PDGFRL: variants seen among roughly 807,000 people sequenced by gnomAD.
PDGFRL encodes the protein platelet derived growth factor receptor like.
In PDGFRL, 46 loss-of-function variants were observed where a neutral mutation model predicts 37.2. That is an observed-to-expected ratio of 1.24 (90% confidence interval 0.98 to 1.58). PDGFRL has a LOEUF of 1.58. Among genes scored for constraint, PDGFRL ranks in the 40% most tolerant of loss-of-function variants. The probability of loss-of-function intolerance (pLI) is 0.00; values close to 1 mark genes in which losing one functional copy is unlikely to be tolerated. For missense variants in PDGFRL, 692 were observed against 467.6 expected (o/e 1.48, Z -4.43); for synonymous variants, 251 against 184.3 (o/e 1.36, Z -2.93).
At chr8:17,631,389 C>T (rs1321174252) in intron 4 of PDGFRL, among the ~76,000 whole-genome samples, 2 of 152,084 alleles carry the variant, frequency 1.3e-5, no homozygotes, top group African/African-American at 4.8e-5. Flanking sequence ...GATCAGTAGC[C>T]CCGAGAGTGA....
rs971621996 is a variant in PDGFRL, at chr8:17,621,222, A to C, written c.505+20A>C. The stretch of plus-strand genomic sequence containing the variant: ...TTACAGGTAAAATACTTGGTGCATT[A>C]ATGGAACTCTTCAAACTTCTGGACC... On this transcript the variant is annotated intron_variant, in intron 3 of 5. Coordinates refer to ENST00000251630, the MANE Select transcript of PDGFRL (RefSeq NM_001372073.1). 9.5e-6 allele frequency: 15 copies of C among 1,571,726 alleles called. No homozygotes were observed. Among genetic ancestry groups the C allele is most frequent in the Non-Finnish European group, 1.3e-5 (15 of 1,147,338 alleles).
At chr8:17,586,808 C>T (rs767991969) in intron 1 of PDGFRL, among the ~76,000 whole-genome samples, 1 of 152,142 alleles carries the variant, frequency 6.6e-6, no homozygotes, top group African/African-American at 2.4e-5. Flanking sequence ...AAAACTGAAA[C>T]AGAAGAGGGC....
intron 5 of PDGFRL, among the ~76,000 whole-genome samples, chr8:17,636,834 C>A (rs967134299): frequency 1.3e-5 from 2 of 152,036 alleles, no homozygotes; most frequent in African/African-American, 4.8e-5. Context: ...CTTTCACCTC[C>A]TTGATTAGGT....
At chr8:17,615,692 A>T (rs1297605231) in intron 2 of PDGFRL, among the ~76,000 whole-genome samples, 1 of 152,054 alleles carries the variant, frequency 6.6e-6, no homozygotes, top group Non-Finnish European at 1.5e-5. Flanking sequence ...GTGGTGGGAG[A>T]TTGCTTGAGG....
Position 17,617,857 on chromosome 8 carries a change from C to T in PDGFRL, c.354-3194C>T, listed in dbSNP as rs539596834. Among the ~76,000 whole-genome samples the T allele has an allele frequency of 9.8e-4, 149 of 152,216 alleles. 3 individuals carry two copies. Among genetic ancestry groups the T allele is most frequent in the Admixed American group, 4.4e-3 (67 of 15,290 alleles). ...TATCACTACAGTGCTAGCAAATGCT[C>T]GGCCCAGAGAAGATGCGCAGTGAAT... On this transcript the variant is annotated intron_variant, in intron 2 of 5. Coordinates refer to ENST00000251630, the MANE Select transcript of PDGFRL (RefSeq NM_001372073.1).
At chr8:17,606,245 A>AT (rs1170352326) in intron 2 of PDGFRL, among the ~76,000 whole-genome samples, 1 of 152,088 alleles carries the variant, frequency 6.6e-6, no homozygotes. Flanking sequence ...CATATTAACC[A>AT]TTTTTAAGGA....
intron 2 of PDGFRL, among the ~76,000 whole-genome samples, chr8:17,609,995 C>T (rs187423926): frequency 3.9e-5 from 6 of 152,240 alleles, no homozygotes; most frequent in East Asian, 1.9e-4. Context: ...TGGATTTCCC[C>T]GCAGTGAATT....
At chr8:17,631,644 T>A (rs1804863149) in intron 4 of PDGFRL, among the ~76,000 whole-genome samples, 1 of 152,170 alleles carries the variant, frequency 6.6e-6, no homozygotes, top group South Asian at 2.1e-4. Flanking sequence ...CACTCCCATC[T>A]GGCCTTCTCC....
chr8:17,628,811 G>A (rs767892823), intron 4 of PDGFRL, 31 bp downstream of exon 4: 2 of 1,526,776 alleles, frequency 1.3e-6, no homozygotes, highest in Non-Finnish European at 1.8e-6. Flanking sequence ...CTAGATTCTA[G>A]TTAGTCCCCT....
chr8:17,629,841 T>C (rs541960952), intron 4 of PDGFRL, among the ~76,000 whole-genome samples: 55 of 152,222 alleles, frequency 3.6e-4, no homozygotes, highest in African/African-American at 1.3e-3. Context: ...CAGGATTCTG[T>C]GTTCAATGAC....
chr8:17,606,425 T>A (rs1804278291), intron 2 of PDGFRL, among the ~76,000 whole-genome samples: 1 of 151,984 alleles, frequency 6.6e-6, no homozygotes, highest in Non-Finnish European at 1.5e-5. Flanking sequence ...CCAATTGGGG[T>A]CTAATTTGCA....
chr8:17,614,218 C>G (rs1804478762), intron 2 of PDGFRL, among the ~76,000 whole-genome samples: 1 of 152,196 alleles, frequency 6.6e-6, no homozygotes, highest in Non-Finnish European at 1.5e-5. Flanking sequence ...ACTATATTCA[C>G]TTTGAAGTCC....
intron 2 of PDGFRL, among the ~76,000 whole-genome samples, chr8:17,606,898 T>TG (rs1804292594): frequency 1.0e-4 from 1 of 9,606 alleles, no homozygotes; most frequent in Admixed American, 2.6e-3. Flanking sequence ...TTTTTTGTTT[T>TG]TTTTTTTTTT....
intron 4 of PDGFRL, among the ~76,000 whole-genome samples, chr8:17,633,317 A>G (rs1804900257): frequency 6.6e-6 from 1 of 152,202 alleles, no homozygotes; most frequent in South Asian, 2.1e-4. Context: ...CAGAAGGCAC[A>G]GGTGGGAGGA....
chr8:17,613,252 T>A (rs1302792803), intron 2 of PDGFRL, among the ~76,000 whole-genome samples: 2 of 152,162 alleles, frequency 1.3e-5, no homozygotes, highest in African/African-American at 2.4e-5. Flanking sequence ...ATCGCTGGTG[T>A]GTCAGGTATG....
intron 5 of PDGFRL, among the ~76,000 whole-genome samples, chr8:17,642,269 C>T (rs962535610): frequency 1.3e-5 from 2 of 152,202 alleles, no homozygotes; most frequent in Admixed American, 6.5e-5. Context: ...ATGTGAAGAA[C>T]GGGGCCAGTG....
chr8:17,612,218 C>T (rs1349645372), intron 2 of PDGFRL, among the ~76,000 whole-genome samples: 1 of 152,166 alleles, frequency 6.6e-6, no homozygotes, highest in South Asian at 2.1e-4. Context: ...GTAAAACTAA[C>T]CTCCAGGTAT....
rs142332618 is a variant in PDGFRL, at chr8:17,615,462, G to T, written c.354-5589G>T. 4.2e-3 allele frequency among the ~76,000 whole-genome samples: 637 copies of T among 152,218 alleles called. 9 individuals are homozygous for T. The highest frequency in any genetic ancestry group is 0.014 in the African/African-American group (599 of 41,540). ...TTATAAGTGTTTGTAACCTGAGTCT[G>T]TGTGACACTAGATTAGATGCTCTGC... On this transcript the variant is annotated intron_variant, in intron 2 of 5. Coordinates refer to ENST00000251630, the MANE Select transcript of PDGFRL (RefSeq NM_001372073.1).
intron 5 of PDGFRL, among the ~76,000 whole-genome samples, chr8:17,641,343 C>G (rs1488443950): frequency 6.6e-6 from 1 of 152,226 alleles, no homozygotes; most frequent in East Asian, 1.9e-4. Context: ...CAAAGTTCAG[C>G]TAGAAGTTTC....
Sources: allele counts gnomAD v4.1 joint callset (sites outside exome capture counted in the v4.1 genomes callset), GRCh38; gene constraint gnomAD v4.1.1; transcripts MANE v1.5; gene names NCBI Gene and HGNC (gene_info 2026-07-23, HGNC 2026-07-21).